IQCJ: variants seen among roughly 807,000 people sequenced by gnomAD.
The protein encoded by IQCJ is IQ domain-containing protein J.
A neutral mutation model predicts 11.0 loss-of-function variants in IQCJ; 9 were observed. The observed-to-expected ratio is 0.82, with a 90% CI of 0.49 to 1.43. IQCJ has a LOEUF of 1.43. Among genes scored for constraint, IQCJ ranks in the 40% most tolerant of loss-of-function variants. The pLI is 0.00. For synonymous variants in IQCJ, 55 were observed against 51.3 expected, an observed-to-expected ratio of 1.07 and a Z score of -0.31; for missense variants, 146 against 133.2, an observed-to-expected ratio of 1.10 and a Z score of -0.47.
At chr3:159,230,224 T>C (rs1726166151) in intron 1 of IQCJ, among the ~76,000 whole-genome samples, 1 of 152,166 alleles carries the variant, frequency 6.6e-6, no homozygotes, top group South Asian at 2.1e-4. Context: ...CATGATTTCA[T>C]TCTTTTTTAT....
intron 1 of IQCJ, chr3:159,069,845 G>T (rs745393617): frequency 7.5e-3 from 249 of 33,144 alleles, no homozygotes; most frequent in African/African-American, 0.013. Flanking sequence ...CTCCTTTCTT[G>T]TGTGTGTGTG....
At chr3:159,080,975 T>A (rs1284996108) in intron 1 of IQCJ, among the ~76,000 whole-genome samples, 1 of 152,072 alleles carries the variant, frequency 6.6e-6, no homozygotes, top group Admixed American at 6.6e-5. Flanking sequence ...GTTTAGAAAC[T>A]TTTGTAGGCC....
intron 1 of IQCJ, among the ~76,000 whole-genome samples, chr3:159,136,939 G>A (rs933024688): frequency 2.0e-5 from 3 of 152,122 alleles, no homozygotes; most frequent in Non-Finnish European, 4.4e-5. Flanking sequence ...GTTCTGTGTC[G>A]GGTGATGCCA....
At chr3:159,198,226 A>G (rs2108058033) in intron 1 of IQCJ, among the ~76,000 whole-genome samples, 1 of 152,322 alleles carries the variant, frequency 6.6e-6, no homozygotes, top group East Asian at 1.9e-4. Flanking sequence ...GTAGAAAAGC[A>G]TGTGTACTAT....
chr3:159,160,222 C>T lies in IQCJ; in HGVS notation c.10-85621C>T, dbSNP rs75708323. Among the ~76,000 whole-genome samples, 1,452 of 152,306 alleles carry T rather than the reference C, an allele frequency of 9.5e-3. 22 individuals carry two copies. The highest frequency in any genetic ancestry group is 0.034 in the African/African-American group (1,402 of 41,554). On this transcript the variant is annotated intron_variant, in intron 1 of 3. Transcript: ENST00000397832. ...CTGCCCTGTTTCCATCACCAACACT[C>T]ACACCTTCATCCGGGGGAGGAGGTA... is the stretch of plus-strand genomic sequence containing the variant.
chr3:159,190,350 C>A (rs930708593), intron 1 of IQCJ, among the ~76,000 whole-genome samples: 1 of 152,232 alleles, frequency 6.6e-6, no homozygotes, highest in African/African-American at 2.4e-5. Flanking sequence ...TCCTGAGCAC[C>A]TACTTCTGCC....
chr3:159,094,394 T>C (rs1003103165), intron 1 of IQCJ, among the ~76,000 whole-genome samples: 19 of 151,034 alleles, frequency 1.3e-4, no homozygotes, highest in African/African-American at 4.2e-4. Flanking sequence ...TTTGTTTTAA[T>C]TCTCTGCAGT....
intron 1 of IQCJ, among the ~76,000 whole-genome samples, chr3:159,187,697 G>A (rs1723451462): frequency 6.6e-6 from 1 of 152,216 alleles, no homozygotes; most frequent in African/African-American, 2.4e-5. Context: ...ACCAGGGTCC[G>A]TTTTTCAGCA....
chr3:159,251,590 G>A (rs1727602878), intron 2 of IQCJ, among the ~76,000 whole-genome samples: 1 of 150,502 alleles, frequency 6.6e-6, no homozygotes, highest in South Asian at 2.1e-4. Context: ...ACATGTAGTT[G>A]GGGGAGTAAT....
intron 1 of IQCJ, among the ~76,000 whole-genome samples, chr3:159,235,639 G>A (rs1485439744): frequency 6.6e-6 from 1 of 152,088 alleles, no homozygotes; most frequent in Non-Finnish European, 1.5e-5. Context: ...TCTACTCTTG[G>A]AGGATCTCAG....
chr3:159,126,379 A>C (rs986011520), intron 1 of IQCJ, among the ~76,000 whole-genome samples: 2 of 152,202 alleles, frequency 1.3e-5, no homozygotes, highest in African/African-American at 2.4e-5. Flanking sequence ...GCTAAGTAAG[A>C]GTTAGTTCTG....
In IQCJ at chr3:159,090,597, T is replaced by C. The variant is rs578204177; in HGVS notation, c.9+21156T>C. On this transcript the variant is annotated intron_variant, in intron 1 of 3. Coordinates refer to ENST00000397832, the MANE Select transcript of IQCJ (RefSeq NM_001042706.3). ...AGGGCTGAAAACTTGGAGGCACATA[T>C]GGGTGTGTCATATTGGAGGAAATGA... Among the ~76,000 whole-genome samples the C allele has an allele frequency of 4.6e-4, 70 of 151,718 alleles. 2 individuals carry two copies. Among genetic ancestry groups the C allele is most frequent in the African/African-American group, 1.7e-3 (68 of 41,094 alleles).
chr3:159,112,669 C>T (rs942108219), intron 1 of IQCJ, among the ~76,000 whole-genome samples: 4 of 152,236 alleles, frequency 2.6e-5, no homozygotes, highest in Middle Eastern at 3.4e-3. Flanking sequence ...ACCGTAGCCT[C>T]GCACACCGTT....
chr3:159,119,098 G>T (rs1239796883), intron 1 of IQCJ, among the ~76,000 whole-genome samples: 1 of 152,154 alleles, frequency 6.6e-6, no homozygotes, highest in Non-Finnish European at 1.5e-5. Context: ...TATATCCAAG[G>T]GCTTTCCATG....
chr3:159,127,111 G>A (rs1719720582), intron 1 of IQCJ, among the ~76,000 whole-genome samples: 1 of 152,192 alleles, frequency 6.6e-6, no homozygotes, highest in Non-Finnish European at 1.5e-5. Flanking sequence ...TTCATAACAA[G>A]GAATTCCATG....
chr3:159,205,638 C>T (rs572970102), intron 1 of IQCJ, among the ~76,000 whole-genome samples: 83 of 152,320 alleles, frequency 5.4e-4, no homozygotes, highest in Non-Finnish European at 1.1e-3. Context: ...AAGATTACCT[C>T]ACAGCAGCTG....
intron 1 of IQCJ, among the ~76,000 whole-genome samples, chr3:159,085,139 T>G (rs1471629804): frequency 6.6e-6 from 1 of 151,292 alleles, no homozygotes; most frequent in Non-Finnish European, 1.5e-5. Flanking sequence ...CATTGTTCAA[T>G]TCCCACCTAT....
In IQCJ at chr3:159,241,325, C is replaced by T. The variant is rs143698895; in HGVS notation, c.10-4518C>T. Among the ~76,000 whole-genome samples, 1,467 of 152,178 alleles carry T rather than the reference C, an allele frequency of 9.6e-3. 7 individuals are homozygous for T. The highest frequency in any genetic ancestry group is 0.013 in the Non-Finnish European group (861 of 68,004). ...TCGGGAGGCTGAGGCAGGAGAATCA[C>T]ATGATCCTGGGAGGTGGAGGTTGCA... On this transcript the variant is annotated intron_variant, in intron 1 of 3. Coordinates refer to ENST00000397832, the MANE Select transcript of IQCJ (RefSeq NM_001042706.3).
At chr3:159,233,297 G>T (rs113044924) in intron 1 of IQCJ, among the ~76,000 whole-genome samples, 24 of 152,236 alleles carry the variant, frequency 1.6e-4, no homozygotes, top group African/African-American at 5.3e-4. Flanking sequence ...GCTAGGTGAG[G>T]GGGGTCAAGA....
Sources: allele counts gnomAD v4.1 joint callset (sites outside exome capture counted in the v4.1 genomes callset), GRCh38; gene constraint gnomAD v4.1.1; transcripts MANE v1.5; gene names NCBI Gene and HGNC (gene_info 2026-07-23, HGNC 2026-07-21).